The following PSPC1 variants were observed in gnomAD, a reference collection of about 807,000 sequenced individuals.
PSPC1 encodes the protein paraspeckle component 1.
PSPC1 carries 14 observed loss-of-function variants against 51.6 expected under a neutral mutation model. The observed-to-expected ratio is 0.27, with a 90% CI of 0.18 to 0.42. The LOEUF (loss-of-function observed/expected upper bound fraction) is 0.42, where lower values mean the gene tolerates loss of function less well. PSPC1 is among the 10% of genes least tolerant of loss of function. PSPC1 has a pLI of 1.00. For synonymous variants in PSPC1, 193 were observed against 231.9 expected, an observed-to-expected ratio of 0.83 and a Z score of 1.53; for missense variants, 406 against 701.1, an observed-to-expected ratio of 0.58 and a Z score of 4.75.
chr13:19,680,741 G>A (rs1006597975), intron 6 of PSPC1, among the ~76,000 whole-genome samples: 1 of 152,028 alleles, frequency 6.6e-6, no homozygotes, highest in African/African-American at 2.4e-5. Context: ...ATAAAATTGG[G>A]TCACTAAGAA....
intron 6 of PSPC1, among the ~76,000 whole-genome samples, chr13:19,723,455 C>T (rs541947842): frequency 6.6e-6 from 1 of 152,304 alleles, no homozygotes; most frequent in South Asian, 2.1e-4. Context: ...AACTATACCT[C>T]CTGGTTCACC....
chr13:19,690,433 G>A (rs1878415763), intron 6 of PSPC1, among the ~76,000 whole-genome samples: 1 of 152,100 alleles, frequency 6.6e-6, no homozygotes, highest in Non-Finnish European at 1.5e-5. Context: ...TGTTGGTTCT[G>A]GTTTTCTCTT....
At chr13:19,709,782 T>C (rs1565981004) in intron 6 of PSPC1, among the ~76,000 whole-genome samples, 183 bp from the exon 7 acceptor site, 1 of 152,042 alleles carries the variant, frequency 6.6e-6, no homozygotes, top group South Asian at 2.1e-4. Context: ...AGGCTTAATA[T>C]ACTACAAATG....
At chr13:19,690,665 A>G (rs1878439561) in intron 6 of PSPC1, among the ~76,000 whole-genome samples, 1 of 152,142 alleles carries the variant, frequency 6.6e-6, no homozygotes, top group Non-Finnish European at 1.5e-5. Flanking sequence ...CAATACAAAG[A>G]ACATACACCG....
intron 1 of PSPC1, among the ~76,000 whole-genome samples, chr13:19,773,350 A>G (rs1404117848): frequency 6.6e-6 from 1 of 150,650 alleles, no homozygotes; most frequent in Non-Finnish European, 1.5e-5. Context: ...CCTGGGTTCA[A>G]GAGATTCTCC....
intron 3 of PSPC1, among the ~76,000 whole-genome samples, chr13:19,754,692 G>A (rs1238788127): frequency 2.0e-5 from 3 of 151,896 alleles, no homozygotes; most frequent in African/African-American, 4.8e-5. Flanking sequence ...CACCCACCTC[G>A]GCCTCCCAAA....
At chr13:19,726,473 TG>T (rs1463141552) in intron 6 of PSPC1, among the ~76,000 whole-genome samples, 1 of 152,234 alleles carries the variant, frequency 6.6e-6, no homozygotes, top group Admixed American at 6.5e-5. Context: ...TGAAAACTAC[TG>T]GATTTAGCAA....
chr13:19,733,948 G>C (rs1384330039), intron 5 of PSPC1, among the ~76,000 whole-genome samples: 2 of 151,808 alleles, frequency 1.3e-5, no homozygotes, highest in African/African-American at 2.4e-5. Context: ...GTGAGATTCT[G>C]TCTAAAAAAT....
At chr13:19,777,699 G>C (rs537638107) in intron 1 of PSPC1, among the ~76,000 whole-genome samples, 1 of 152,210 alleles carries the variant, frequency 6.6e-6, no homozygotes, top group Non-Finnish European at 1.5e-5. Flanking sequence ...TGTAATCCCA[G>C]CACTTTGGGA....
chr13:19,742,176 C>T (rs1885495592), intron 4 of PSPC1, among the ~76,000 whole-genome samples: 1 of 147,354 alleles, frequency 6.8e-6, no homozygotes, highest in Non-Finnish European at 1.5e-5. Flanking sequence ...ATAAACTCAT[C>T]TTGGCTGGGC....
intron 7 of PSPC1, chr13:19,675,489 G>A (rs1221310696): frequency 6.6e-6 from 1 of 152,178 alleles, no homozygotes; most frequent in African/African-American, 2.4e-5. Context: ...TTTAACCACA[G>A]AAAATGTGCC....
At chr13:19,739,831 G>A (rs905666236) in intron 5 of PSPC1, among the ~76,000 whole-genome samples, 1 of 150,632 alleles carries the variant, frequency 6.6e-6, no homozygotes, top group African/African-American at 2.4e-5. Flanking sequence ...AGGTTCCTGA[G>A]GAAGGCACAT....
intron 6 of PSPC1, chr13:19,678,471 G>A (rs1876908698): frequency 1.3e-5 from 2 of 152,022 alleles, no homozygotes. Context: ...TTGCATTTTG[G>A]GACACATAAA....
downstream of PSPC1, chr13:19,671,992 G>C (rs1487523514): frequency 2.0e-6 from 2 of 1,021,112 alleles, no homozygotes; most frequent in African/African-American, 3.2e-5. Flanking sequence ...ACCTCTTGCA[G>C]TTAAGCCTGT....
chr13:19,781,687 GAGAAATAA>G (rs1889984326), intron 1 of PSPC1, among the ~76,000 whole-genome samples: 1 of 152,144 alleles, frequency 6.6e-6, no homozygotes, highest in African/African-American at 2.4e-5. Context: ...GCACTGAGGT[GAGAAATAA>G]AGTGGCAGGC....
At chr13:19,675,483 A>G (rs1479644401) in intron 7 of PSPC1, 1 of 152,206 alleles carries the variant, frequency 6.6e-6, no homozygotes, top group Non-Finnish European at 1.5e-5. Flanking sequence ...ATCATTTTTA[A>G]CCACAGAAAA....
At chr13:19,779,608 G>C (rs1889661073) in intron 1 of PSPC1, among the ~76,000 whole-genome samples, 1 of 35,340 alleles carries the variant, frequency 2.8e-5, no homozygotes, top group African/African-American at 1.0e-4. Context: ...GGTGAGGGGC[G>C]CCTCTGCCCG....
At chr13:19,711,026 A>G (rs2099763674) in intron 6 of PSPC1, among the ~76,000 whole-genome samples, 2 of 151,842 alleles carry the variant, frequency 1.3e-5, no homozygotes, top group South Asian at 4.2e-4. Context: ...TTTTTTGTAG[A>G]GATAGGGTCT....
intron 6 of PSPC1, among the ~76,000 whole-genome samples, chr13:19,712,529 C>CA (rs1881573619): frequency 6.6e-6 from 1 of 152,032 alleles, no homozygotes; most frequent in Admixed American, 6.6e-5. Flanking sequence ...GAAAATTTCA[C>CA]GGGAAATGTA....
Sources: gnomAD v4.1 joint callset for allele counts (sites outside exome capture counted in the v4.1 genomes callset) on GRCh38, gnomAD v4.1.1 for gene constraint, MANE v1.5 for transcripts, NCBI Gene and HGNC (gene_info 2026-07-23, HGNC 2026-07-21) for gene names.